LPAR1: variants seen among roughly 807,000 people sequenced by gnomAD.
The protein encoded by LPAR1 is LPA receptor 1.
In LPAR1, 5 loss-of-function variants were observed where a neutral mutation model predicts 23.8. The ratio of observed to expected loss-of-function variants is 0.21; its 90% CI spans 0.11 to 0.44. The LOEUF is 0.44. Among genes scored for constraint, LPAR1 ranks in the 20% least tolerant of loss-of-function variants. The pLI, the probability that LPAR1 is intolerant of heterozygous loss-of-function variation, is 0.99. For missense variants in LPAR1, 311 were observed against 482.8 expected (o/e 0.64, Z 3.33); for synonymous variants, 160 against 164.7 (o/e 0.97, Z 0.22).
At chr9:110,885,391 AG>A (rs1029631132) in intron 5 of LPAR1, among the ~76,000 whole-genome samples, 4 of 152,204 alleles carry the variant, frequency 2.6e-5, no homozygotes, top group African/African-American at 9.7e-5. Flanking sequence ...TAAAACATTT[AG>A]CCATGCCCTC....
chr9:110,927,300 A>G (rs1039725235), intron 5 of LPAR1, among the ~76,000 whole-genome samples: 2 of 151,708 alleles, frequency 1.3e-5, no homozygotes, highest in African/African-American at 2.4e-5. Flanking sequence ...CATAACTTAC[A>G]TTTGTGTGGC....
chr9:111,025,299 G>A (rs574306337), intron 2 of LPAR1, among the ~76,000 whole-genome samples: 1 of 152,322 alleles, frequency 6.6e-6, no homozygotes, highest in African/African-American at 2.4e-5. Flanking sequence ...CTAATGACCA[G>A]TGATGATGAG....
In LPAR1 at chr9:110,892,826, A is replaced by AAGGCAGGCAGGCAGGC. The variant is rs1167070374; in HGVS notation, c.794-17120_794-17105dup. 6.5e-3 allele frequency among the ~76,000 whole-genome samples: 425 copies of AAGGCAGGCAGGCAGGC among 65,324 alleles called. 3 individuals are homozygous for AAGGCAGGCAGGCAGGC. Among genetic ancestry groups the AAGGCAGGCAGGCAGGC allele is most frequent in the South Asian group, 0.02 (31 of 1,546 alleles). The allele number at this position is 65,324 out of a possible 152,430, so 42.9% of individuals were successfully genotyped here. On this transcript the variant is annotated intron_variant, in intron 5 of 5. Transcript: ENST00000683809. Reference sequence around the variant, plus strand: ...GAAGGAAGGAAGGAAGGAAGGAAGGAAGGCAGGCAGGCAGGCAGGCAGGCA... The same window carrying AAGGCAGGCAGGCAGGC: ...GAAGGAAGGAAGGAAGGAAGGAAGGAAGGCAGGCAGGCAGGCAGGCAGGCAGGCAGGCAGGCAGGCA...
intron 2 of LPAR1, among the ~76,000 whole-genome samples, chr9:111,016,408 G>C (rs2097446959): frequency 1.3e-5 from 2 of 152,132 alleles, no homozygotes; most frequent in Non-Finnish European, 2.9e-5. Flanking sequence ...TTTGAAACTT[G>C]ACCTGAACAA....
chr9:110,975,552 C>G (rs1473964456), intron 2 of LPAR1, among the ~76,000 whole-genome samples: 1 of 152,166 alleles, frequency 6.6e-6, no homozygotes, highest in Non-Finnish European at 1.5e-5. Flanking sequence ...CATACTCTTT[C>G]CATAGGCCAA....
chr9:110,924,469 AT>A (rs1434491314), intron 5 of LPAR1, among the ~76,000 whole-genome samples: 1 of 151,772 alleles, frequency 6.6e-6, no homozygotes, highest in African/African-American at 2.4e-5. Context: ...ATTTTGGTTA[AT>A]TATGGAAGGT....
At chr9:111,018,034 A>C (rs1049847896) in intron 2 of LPAR1, among the ~76,000 whole-genome samples, 1 of 152,028 alleles carries the variant, frequency 6.6e-6, no homozygotes, top group Non-Finnish European at 1.5e-5. Flanking sequence ...AACAAAACAA[A>C]CAAACAAAAA....
At chr9:110,887,791 C>G (rs113730349) in intron 5 of LPAR1, among the ~76,000 whole-genome samples, 3 of 152,028 alleles carry the variant, frequency 2.0e-5, no homozygotes, top group African/African-American at 7.3e-5. Flanking sequence ...CTGACTAGCC[C>G]GTAAATCCTA....
chr9:110,894,361 T>G (rs1296792163), intron 5 of LPAR1, among the ~76,000 whole-genome samples: 1 of 152,200 alleles, frequency 6.6e-6, no homozygotes, highest in Non-Finnish European at 1.5e-5. Context: ...AGCCTCAATA[T>G]CCTTATCTGT....
At chr9:110,931,550 C>G (rs1181590994) in intron 5 of LPAR1, among the ~76,000 whole-genome samples, 1 of 152,164 alleles carries the variant, frequency 6.6e-6, no homozygotes, top group Non-Finnish European at 1.5e-5. Flanking sequence ...TCAATTTTGG[C>G]TTTTGTTGCC....
chr9:110,983,237 G>A (rs2139124986), intron 2 of LPAR1, among the ~76,000 whole-genome samples: 1 of 152,130 alleles, frequency 6.6e-6, no homozygotes, highest in East Asian at 1.9e-4. Context: ...CTATCTACAA[G>A]AGCCAAGAGG....
intron 2 of LPAR1, among the ~76,000 whole-genome samples, chr9:110,982,861 TAC>T (rs55748505): frequency 0.016 from 2,243 of 139,962 alleles, 42 homozygotes; most frequent in Admixed American, 0.04. Flanking sequence ...TATATACACA[TAC>T]ACACACACAC....
chr9:111,022,120 C>G (rs890950031), intron 2 of LPAR1, among the ~76,000 whole-genome samples: 2 of 152,126 alleles, frequency 1.3e-5, no homozygotes, highest in African/African-American at 4.8e-5. Context: ...ATGCAAATAC[C>G]TGGAGTTCTC....
At chr9:110,965,229 T>C (rs917050352) in intron 4 of LPAR1, among the ~76,000 whole-genome samples, 5 of 152,134 alleles carry the variant, frequency 3.3e-5, no homozygotes, top group African/African-American at 4.8e-5. Flanking sequence ...AACTAAGATA[T>C]TGAAAATCTA....
chr9:111,004,090 C>A lies in LPAR1; in HGVS notation c.-181-30532G>T, dbSNP rs114802239. Among the ~76,000 whole-genome samples the A allele has an allele frequency of 6.0e-3, 917 of 152,264 alleles. 12 individuals are homozygous for A. The highest frequency in any genetic ancestry group is 0.02 in the African/African-American group (835 of 41,558). On this transcript the variant is annotated intron_variant, in intron 2 of 5. Transcript: ENST00000683809. ...CATCCTTCACCCAGTACACAGCTGCCATAGTTCTTTGTGCTCATAAACATT... is the reference window on the plus strand; with the variant it reads ...CATCCTTCACCCAGTACACAGCTGCAATAGTTCTTTGTGCTCATAAACATT...
chr9:110,964,493 A>ATGC (rs1422594323), intron 4 of LPAR1, among the ~76,000 whole-genome samples: 7 of 152,200 alleles, frequency 4.6e-5, no homozygotes, highest in African/African-American at 1.7e-4. Flanking sequence ...AAAGATGACA[A>ATGC]TGCTAGGGAT....
intron 5 of LPAR1, among the ~76,000 whole-genome samples, chr9:110,935,278 GCTAA>G (rs904739521): frequency 1.3e-5 from 2 of 152,086 alleles, no homozygotes; most frequent in Non-Finnish European, 2.9e-5. Flanking sequence ...TGGATCAGGA[GCTAA>G]CTAAGACCTG....
chr9:110,892,862 CAG>C (rs1564387204), intron 5 of LPAR1, among the ~76,000 whole-genome samples: 1 of 112,046 alleles, frequency 8.9e-6, no homozygotes, highest in Non-Finnish European at 2.0e-5. Flanking sequence ...GGCAGGCAGG[CAG>C]GCATGCAGGC....
intron 2 of LPAR1, among the ~76,000 whole-genome samples, chr9:110,998,162 T>C (rs2097056215): frequency 6.6e-6 from 1 of 152,124 alleles, no homozygotes; most frequent in Admixed American, 6.6e-5. Flanking sequence ...AACTGTCCAT[T>C]TAAAAAATCA....
Sources: allele counts gnomAD v4.1 joint callset (sites outside exome capture counted in the v4.1 genomes callset), GRCh38; gene constraint gnomAD v4.1.1; transcripts MANE v1.5; gene names NCBI Gene and HGNC (gene_info 2026-07-23, HGNC 2026-07-21).